Variants in ADAM22 observed in about 807,000 individuals in gnomAD.
The protein encoded by ADAM22 is ADAM metallopeptidase domain 22, also known as disintegrin and metalloproteinase domain-containing protein 22.
Under a neutral mutation model 144.6 loss-of-function variants are expected in ADAM22, and 65 were observed. The ratio of observed to expected loss-of-function variants is 0.45; its 90% CI spans 0.37 to 0.55. ADAM22 has a LOEUF of 0.55. ADAM22 is among the 20% of genes least tolerant of loss of function. ADAM22 has a pLI of 0.00. For synonymous variants in ADAM22, 391 were observed against 412.6 expected, an observed-to-expected ratio of 0.95 and a Z score of 0.63; for missense variants, 974 against 1,184.9, an observed-to-expected ratio of 0.82 and a Z score of 2.61.
rs1369667799 is a variant in ADAM22, at chr7:88,197,870, A to T, written c.*1379A>T. On this transcript the variant is annotated 3_prime_UTR_variant, in exon 32 of 32. Transcript: ENST00000413139. ...AGAGATGCAGCATCTGCGAAGTTACACTAACAGCTGGTGGGGGAAAGAATC... is the reference window on the plus strand; with the variant it reads ...AGAGATGCAGCATCTGCGAAGTTACTCTAACAGCTGGTGGGGGAAAGAATC... 6.6e-6 allele frequency: 1 copy of T among 152,220 alleles called. No individual in the cohort carries two copies. The highest frequency in any genetic ancestry group is 2.4e-5 in the African/African-American group (1 of 41,458). 9.4% of individuals were successfully genotyped at this position (152,220 alleles called of 1,614,324 possible).
At chr7:87,955,162 G>T (rs1390054313) in intron 2 of ADAM22, among the ~76,000 whole-genome samples, 1 of 152,208 alleles carries the variant, frequency 6.6e-6, no homozygotes, top group Admixed American at 6.5e-5. Context: ...ATCCAGCTTT[G>T]TTCCGTTGCT....
chr7:87,998,751 C>G lies in ADAM22; in HGVS notation c.323+20339C>G, dbSNP rs191658510. Among the ~76,000 whole-genome samples, 10 of 152,248 alleles carry G rather than the reference C, an allele frequency of 6.6e-5. No homozygotes were observed. In the East Asian group the frequency reaches 1.9e-3, roughly 29 times the overall value. On this transcript the variant is annotated intron_variant, in intron 3 of 31. Coordinates refer to ENST00000413139, the MANE Select transcript of ADAM22 (RefSeq NM_001324418.2). ...CCTGATTCCATCTGCAAAGTCTCTT[C>G]GTGCAGCACCCAAATCAGTGTTTGA...
At chr7:88,020,834 G>T (rs1797673259) in intron 3 of ADAM22, among the ~76,000 whole-genome samples, 1 of 152,164 alleles carries the variant, frequency 6.6e-6, no homozygotes, top group Non-Finnish European at 1.5e-5. Flanking sequence ...AAGCATGGGG[G>T]TAAGAGAACC....
chr7:88,077,780 G>T (rs373085848), intron 4 of ADAM22, among the ~76,000 whole-genome samples: 2 of 152,214 alleles, frequency 1.3e-5, no homozygotes, highest in African/African-American at 4.8e-5. Flanking sequence ...CTGCAAGGTG[G>T]CAGCTAGGCT....
chr7:88,075,835 A>G (rs1288452693), intron 4 of ADAM22, 143 bp downstream of exon 4: 1 of 702,342 alleles, frequency 1.4e-6, no homozygotes, highest in Non-Finnish European at 2.3e-6. Flanking sequence ...TTTATCACCC[A>G]CTTTGGAAAA....
intron 2 of ADAM22, among the ~76,000 whole-genome samples, chr7:87,941,606 C>T (rs1842492115): frequency 6.6e-6 from 1 of 152,024 alleles, no homozygotes; most frequent in African/African-American, 2.4e-5. Flanking sequence ...GGAGACATTT[C>T]ACAATGAATT....
At chr7:88,024,921 T>C (rs1349680815) in intron 3 of ADAM22, among the ~76,000 whole-genome samples, 1 of 152,208 alleles carries the variant, frequency 6.6e-6, no homozygotes, top group Non-Finnish European at 1.5e-5. Context: ...ATGGTGTATA[T>C]GTGCCATATT....
chr7:88,089,275 GA>G (rs1408946858), intron 4 of ADAM22, among the ~76,000 whole-genome samples: 1 of 151,890 alleles, frequency 6.6e-6, no homozygotes, highest in African/African-American at 2.4e-5. Flanking sequence ...TATAAAAAAA[GA>G]AAAAACAGAC....
chr7:87,969,453 C>A (rs1175050624), intron 2 of ADAM22, among the ~76,000 whole-genome samples: 1 of 152,070 alleles, frequency 6.6e-6, no homozygotes, highest in Non-Finnish European at 1.5e-5. Context: ...TGTTTAGTAC[C>A]TTCCTCTTGT....
chr7:88,005,153 A>G (rs539988797), intron 3 of ADAM22, among the ~76,000 whole-genome samples: 1 of 152,182 alleles, frequency 6.6e-6, no homozygotes, highest in Admixed American at 6.5e-5. Flanking sequence ...ACACACAAAC[A>G]AATAATTGTG....
At position 88,149,056 on chromosome 7, in the gene ADAM22, A is replaced by G. The variant is rs778672052; in HGVS notation, c.1565A>G (p.Gln522Arg). 1.2e-6 allele frequency: 2 copies of G among 1,611,120 alleles called. No homozygotes were observed. The highest frequency in any genetic ancestry group is 1.7e-6 in the Non-Finnish European group (2 of 1,177,960). The change falls in exon 18 of 32, where the codon CAG becomes CGG. Residue 522 changes from glutamine to arginine, a missense_variant and splice_region_variant. Gln to Arg is a conservative substitution (Grantham distance 43). Transcript: ENST00000413139. ...IRETCSGNSS[Q>R]CAPNIHKMDG... ...GAAACGTGCTCAGGAAATTCAAGCC[A>G]GGTAATTTACAAAATAACTGCTCTA...
intron 30 of ADAM22, among the ~76,000 whole-genome samples, chr7:88,192,198 G>A (rs1012024845): frequency 6.6e-6 from 1 of 152,110 alleles, no homozygotes; most frequent in African/African-American, 2.4e-5. Flanking sequence ...GTTCAATGTG[G>A]GTTTTTACCA....
At chr7:87,941,378 G>A (rs1051969002) in intron 2 of ADAM22, among the ~76,000 whole-genome samples, 1 of 152,126 alleles carries the variant, frequency 6.6e-6, no homozygotes, top group Non-Finnish European at 1.5e-5. Flanking sequence ...ACTTTACATT[G>A]TGCTGTTTCA....
chr7:88,082,168 T>G lies in ADAM22; in HGVS notation c.390+6476T>G, dbSNP rs1459359896. Reference sequence around the variant, plus strand: ...AGACCAATGGAACAGAACAGAGCCCTCAGAAATAACGCCGCATATCTACAA... The same window carrying G: ...AGACCAATGGAACAGAACAGAGCCCGCAGAAATAACGCCGCATATCTACAA... On this transcript the variant is annotated intron_variant, in intron 4 of 31. Transcript: ENST00000413139. 4.6e-5 allele frequency among the ~76,000 whole-genome samples: 7 copies of G among 152,172 alleles called. No individual in the cohort carries two copies. In the East Asian group the frequency reaches 1.4e-3, roughly 29 times the overall value.
At chr7:87,978,831 C>T (rs1852544077) in intron 3 of ADAM22, among the ~76,000 whole-genome samples, 1 of 152,092 alleles carries the variant, frequency 6.6e-6, no homozygotes, top group South Asian at 2.1e-4. Context: ...TAAATAGTAC[C>T]TGGTGTTCAT....
intron 3 of ADAM22, among the ~76,000 whole-genome samples, chr7:88,054,588 C>CTGTGTGTGTGTGTGTGTGTGTGTG (rs58027941): frequency 7.6e-6 from 1 of 132,170 alleles, no homozygotes; most frequent in African/African-American, 2.9e-5. Flanking sequence ...AGGTGCCCTC[C>CTGTGTGTGTGTGTGTGTGTGTGTG]TGTGTGTGTG....
At chr7:87,966,630 G>A (rs571773536) in intron 2 of ADAM22, among the ~76,000 whole-genome samples, 24 of 150,082 alleles carry the variant, frequency 1.6e-4, no homozygotes, top group African/African-American at 5.6e-4. Context: ...AATCACAAGA[G>A]TTCCGGGCTT....
intron 4 of ADAM22, among the ~76,000 whole-genome samples, chr7:88,081,445 C>T (rs1208494224): frequency 1.3e-5 from 2 of 152,158 alleles, no homozygotes; most frequent in Admixed American, 6.6e-5. Flanking sequence ...CAGGGATGCC[C>T]TCTCTCACCA....
At chr7:87,957,009 C>G (rs1043782734) in intron 2 of ADAM22, among the ~76,000 whole-genome samples, 5 of 152,156 alleles carry the variant, frequency 3.3e-5, no homozygotes, top group African/African-American at 1.2e-4. Context: ...CTTTAAAACC[C>G]TGCCTATGGT....
Sources: allele counts gnomAD v4.1 joint callset (sites outside exome capture counted in the v4.1 genomes callset), GRCh38; gene constraint gnomAD v4.1.1; transcripts MANE v1.5; gene names NCBI Gene and HGNC (gene_info 2026-07-23, HGNC 2026-07-21).